The following ZMYM2 variants were observed in gnomAD, a reference collection of about 807,000 sequenced individuals.
The protein encoded by ZMYM2 is zinc finger MYM-type containing 2.
In ZMYM2, 56 loss-of-function variants were observed where a neutral mutation model predicts 162.8. The observed-to-expected ratio is 0.34, with a 90% CI of 0.28 to 0.43. ZMYM2 has a LOEUF of 0.43. Among genes scored for constraint, ZMYM2 ranks in the 20% least tolerant of loss-of-function variants. The pLI is 1.00. For missense variants in ZMYM2, 1,275 were observed against 1,621.8 expected, an observed-to-expected ratio of 0.79 and a Z score of 3.67; for synonymous variants, 510 against 541.6, an observed-to-expected ratio of 0.94 and a Z score of 0.81.
chr13:20,053,151 C>T (rs1955509190), intron 14 of ZMYM2, among the ~76,000 whole-genome samples: 1 of 152,210 alleles, frequency 6.6e-6, no homozygotes. Context: ...CTGCATCTTA[C>T]AGCAGTCACC....
chr13:20,012,097 G>A (rs971066073), intron 6 of ZMYM2, among the ~76,000 whole-genome samples: 5 of 152,048 alleles, frequency 3.3e-5, no homozygotes, highest in Non-Finnish European at 5.9e-5. Flanking sequence ...TGTTGGCCAG[G>A]CTGGTCTCGA....
At position 20,051,526 on chromosome 13, in the gene ZMYM2, T is replaced by C. The variant is rs1165098052; in HGVS notation, c.2386T>C (p.Leu796=). Reference sequence around the variant, plus strand: ...GAAACATTTCTGTGATCAACATTGCTTACTGCGTTTCTACTGTCAACAAAA... The same window carrying C: ...GAAACATTTCTGTGATCAACATTGCCTACTGCGTTTCTACTGTCAACAAAA... ...EMKHFCDQHC[L]LRFYCQQNEP... Residue 796 remains leucine, a synonymous_variant, in exon 13 of 25, where the codon TTA becomes CTA. Coordinates refer to ENST00000610343, the MANE Select transcript of ZMYM2 (RefSeq NM_197968.4). 6.2e-7 allele frequency: 1 copy of C among 1,613,640 alleles called. No homozygotes were observed.
At chr13:20,041,511 T>C (rs149027169) in intron 12 of ZMYM2, among the ~76,000 whole-genome samples, 190 of 152,312 alleles carry the variant, frequency 1.2e-3, no homozygotes, top group African/African-American at 4.4e-3. Context: ...TCCAAGCCAC[T>C]GTGTACCTTT....
At chr13:19,972,977 C>T (rs1956458474) in intron 2 of ZMYM2, among the ~76,000 whole-genome samples, 1 of 150,496 alleles carries the variant, frequency 6.6e-6, no homozygotes, top group Non-Finnish European at 1.5e-5. Context: ...GCTCTTATCA[C>T]CCAGGCTGGA....
intron 2 of ZMYM2, among the ~76,000 whole-genome samples, chr13:19,967,390 C>A (rs1157670152): frequency 6.6e-6 from 1 of 151,758 alleles, no homozygotes; most frequent in Non-Finnish European, 1.5e-5. Context: ...TGCAGATTTT[C>A]TGCCAAAAAA....
upstream of ZMYM2, among the ~76,000 whole-genome samples, chr13:19,954,094 G>T (rs1954471339): frequency 8.5e-6 from 1 of 117,210 alleles, no homozygotes; most frequent in African/African-American, 3.0e-5. Context: ...ATAAGCCACT[G>T]ATCTAAAATG....
the ZMYM2 span, among the ~76,000 whole-genome samples, chr13:19,904,890 T>A: frequency 6.6e-6 from 1 of 152,180 alleles, no homozygotes; most frequent in Non-Finnish European, 1.5e-5. Flanking sequence ...CAGAATAATA[T>A]CCACCACAAT....
chr13:20,007,891 G>C (rs759706996), intron 6 of ZMYM2, among the ~76,000 whole-genome samples: 1 of 152,148 alleles, frequency 6.6e-6, no homozygotes, highest in Non-Finnish European at 1.5e-5. Flanking sequence ...AAAGTGCTGG[G>C]ATTACAGGCA....
At chr13:19,873,381 T>TTTATTTA in the ZMYM2 span, among the ~76,000 whole-genome samples, 4 of 6,054 alleles carry the variant, frequency 6.6e-4, no homozygotes, top group Admixed American at 7.4e-3. Flanking sequence ...CAGAGTCAAT[T>TTTATTTA]TTATTTATTT....
chr13:19,958,116 T>C (rs1214309684), upstream of ZMYM2, among the ~76,000 whole-genome samples: 1 of 151,426 alleles, frequency 6.6e-6, no homozygotes, highest in Non-Finnish European at 1.5e-5. Flanking sequence ...GCGGCGAGGG[T>C]GGAAGGGCCT....
upstream of ZMYM2, among the ~76,000 whole-genome samples, chr13:19,957,865 G>C (rs1954656283): frequency 6.6e-6 from 1 of 152,178 alleles, no homozygotes; most frequent in South Asian, 2.1e-4. Flanking sequence ...GCTGCGTCTG[G>C]GTCTCTCCAC....
At chr13:19,884,815 A>C in the ZMYM2 span, among the ~76,000 whole-genome samples, 8 of 152,246 alleles carry the variant, frequency 5.3e-5, no homozygotes, top group East Asian at 1.5e-3. Context: ...CAAGCCATAC[A>C]ACAAACATTC....
chr13:19,896,694 T>C, the ZMYM2 span, among the ~76,000 whole-genome samples: 78 of 144,852 alleles, frequency 5.4e-4, no homozygotes, highest in African/African-American at 2.0e-3. Context: ...GAGGCAGAGC[T>C]TGCAGTGAGC....
chr13:20,055,486 G>C (rs1955719111), intron 14 of ZMYM2, among the ~76,000 whole-genome samples: 1 of 152,118 alleles, frequency 6.6e-6, no homozygotes, highest in Non-Finnish European at 1.5e-5. Context: ...TGTGTTTTCT[G>C]TTGATGATTT....
the ZMYM2 span, among the ~76,000 whole-genome samples, chr13:19,944,623 T>C: frequency 6.6e-6 from 1 of 151,162 alleles, no homozygotes; most frequent in Admixed American, 6.6e-5. Context: ...GTAGGGGGAG[T>C]CTTACTCCTC....
chr13:20,007,766 G>T (rs1316401577), intron 6 of ZMYM2, among the ~76,000 whole-genome samples: 3 of 151,294 alleles, frequency 2.0e-5, no homozygotes, highest in Non-Finnish European at 4.4e-5. Flanking sequence ...GATTACAGGC[G>T]TGCACCACCA....
At chr13:20,030,175 A>G (rs1262034185) in intron 9 of ZMYM2, among the ~76,000 whole-genome samples, 8 of 151,888 alleles carry the variant, frequency 5.3e-5, no homozygotes, top group Middle Eastern at 3.4e-3. Flanking sequence ...TTTTTCTCCT[A>G]ACTTTGAAGA....
chr13:19,877,704 GTGGCAGCATA>G, the ZMYM2 span, among the ~76,000 whole-genome samples: 1 of 152,186 alleles, frequency 6.6e-6, no homozygotes, highest in African/African-American at 2.4e-5. Flanking sequence ...GTTCATCCAT[GTGGCAGCATA>G]TGTCCAAATT....
intron 2 of ZMYM2, among the ~76,000 whole-genome samples, chr13:19,961,608 T>C (rs1955217222): frequency 6.6e-6 from 1 of 152,212 alleles, no homozygotes; most frequent in South Asian, 2.1e-4. Flanking sequence ...TAGGGGAAGC[T>C]TGATAATTGG....
Sources: gnomAD v4.1 joint callset for allele counts (sites outside exome capture counted in the v4.1 genomes callset) on GRCh38, gnomAD v4.1.1 for gene constraint, MANE v1.5 for transcripts, NCBI Gene and HGNC (gene_info 2026-07-23, HGNC 2026-07-21) for gene names.